The following ZRANB3 variants were observed in gnomAD, a reference collection of about 807,000 sequenced individuals.
ZRANB3 encodes the protein DNA annealing helicase and endonuclease ZRANB3.
In ZRANB3, 125 loss-of-function variants were observed where a neutral mutation model predicts 133.8. That is an observed-to-expected ratio of 0.93 (90% CI 0.81 to 1.08). The LOEUF (loss-of-function observed/expected upper bound fraction) is 1.08. Among genes scored for constraint, ZRANB3 ranks in the 50% least tolerant of loss-of-function variants. The pLI is 0.00. For synonymous variants in ZRANB3, 387 were observed against 432.7 expected (o/e 0.89, Z 1.31); for missense variants, 1,229 against 1,275.5 (o/e 0.96, Z 0.56).
intron 2 of ZRANB3, among the ~76,000 whole-genome samples, chr2:135,469,813 C>T (rs1439128071): frequency 6.7e-6 from 1 of 148,696 alleles, no homozygotes; most frequent in Non-Finnish European, 1.5e-5. Context: ...GAGATCGAGA[C>T]CATCCTGGAT....
At chr2:135,263,669 G>C (rs1291358660) in intron 12 of ZRANB3, among the ~76,000 whole-genome samples, 3 of 151,744 alleles carry the variant, frequency 2.0e-5, no homozygotes, top group African/African-American at 7.3e-5. Flanking sequence ...TTTTTAAAAA[G>C]GAGCCAGTTT....
chr2:135,245,926 CAAAAAAAAAAAAAAAAAA>C (rs1177438717), intron 12 of ZRANB3, among the ~76,000 whole-genome samples: 1 of 19,552 alleles, frequency 5.1e-5, no homozygotes, highest in Admixed American at 9.6e-4. Context: ...AACTCCGTCT[CAAAAAAAAAAAAAAAAAA>C]AAAAGAGACA....
intron 1 of ZRANB3, among the ~76,000 whole-genome samples, chr2:135,506,085 G>A (rs1693172982): frequency 6.6e-6 from 1 of 152,136 alleles, no homozygotes; most frequent in South Asian, 2.1e-4. Context: ...GGTGTTTTCG[G>A]AAAACAGAAA....
chr2:135,213,366 C>T (rs1694180550), intron 17 of ZRANB3, among the ~76,000 whole-genome samples: 1 of 152,212 alleles, frequency 6.6e-6, no homozygotes, highest in Non-Finnish European at 1.5e-5. Flanking sequence ...CTTATACAGA[C>T]TGCCAGTCAA....
intron 2 of ZRANB3, among the ~76,000 whole-genome samples, chr2:135,404,798 C>A (rs189874222): frequency 7.9e-5 from 12 of 152,280 alleles, no homozygotes; most frequent in Non-Finnish European, 1.5e-4. Flanking sequence ...GGCCAATATT[C>A]AACATTCTTA....
chr2:135,372,639 T>C (rs911656598), intron 3 of ZRANB3, among the ~76,000 whole-genome samples: 14 of 151,084 alleles, frequency 9.3e-5, no homozygotes, highest in African/African-American at 3.4e-4. Context: ...ACAAAAAAAT[T>C]TGTTGGGCGT....
intron 8 of ZRANB3, among the ~76,000 whole-genome samples, chr2:135,285,583 A>T (rs1681315292): frequency 6.6e-6 from 1 of 152,250 alleles, no homozygotes; most frequent in African/African-American, 2.4e-5. Flanking sequence ...GAGGAAACAC[A>T]CTTTGTGCAT....
At chr2:135,348,517 G>A (rs1429491964) in intron 5 of ZRANB3, among the ~76,000 whole-genome samples, 1 of 152,056 alleles carries the variant, frequency 6.6e-6, no homozygotes, top group Non-Finnish European at 1.5e-5. Context: ...TACTGTTAAT[G>A]TTCTATTTCT....
At chr2:135,231,685 A>T (rs1695022999) in intron 12 of ZRANB3, among the ~76,000 whole-genome samples, 1 of 151,912 alleles carries the variant, frequency 6.6e-6, no homozygotes, top group African/African-American at 2.4e-5. Flanking sequence ...CTACTCGGGG[A>T]GCTGAGGTGG....
At chr2:135,477,151 ATGTC>A (rs1289405772) in intron 2 of ZRANB3, among the ~76,000 whole-genome samples, 1 of 152,132 alleles carries the variant, frequency 6.6e-6, no homozygotes, top group Non-Finnish European at 1.5e-5. Flanking sequence ...GAAGTATAGT[ATGTC>A]TTTTTCTCTG....
chr2:135,472,159 A>G, intron 2 of ZRANB3, among the ~76,000 whole-genome samples: 1 of 152,356 alleles, frequency 6.6e-6, no homozygotes, highest in Middle Eastern at 3.4e-3. Context: ...TAGTATATGA[A>G]TAATTTCTAT....
intron 8 of ZRANB3, among the ~76,000 whole-genome samples, chr2:135,306,191 T>C (rs778515425): frequency 7.2e-5 from 11 of 152,174 alleles, no homozygotes; most frequent in African/African-American, 2.4e-5. Context: ...CCATCTCTTC[T>C]CCTTCTGGAA....
At chr2:135,344,911 AT>A (rs1211662139) in intron 6 of ZRANB3, among the ~76,000 whole-genome samples, 2 of 152,198 alleles carry the variant, frequency 1.3e-5, no homozygotes, top group Non-Finnish European at 2.9e-5. Context: ...GTAATCATAC[AT>A]GCTTGTTCAC....
intron 12 of ZRANB3, among the ~76,000 whole-genome samples, chr2:135,240,926 T>C (rs562153083): frequency 1.3e-4 from 20 of 152,348 alleles, no homozygotes; most frequent in African/African-American, 4.8e-4. Context: ...ATATCTGTTG[T>C]TGCTGAAAAT....
At chr2:135,512,073 A>C in intron 1 of ZRANB3, 1 of 446,510 alleles carries the variant, frequency 2.2e-6, no homozygotes, top group Non-Finnish European at 4.1e-6. Flanking sequence ...CTGTGTCCGC[A>C]CCAGCAATAC....
intron 8 of ZRANB3, among the ~76,000 whole-genome samples, chr2:135,287,936 G>T (rs1681466559): frequency 6.6e-6 from 1 of 151,892 alleles, no homozygotes; most frequent in Non-Finnish European, 1.5e-5. Context: ...TCTTTCTCTT[G>T]TCTGACTGCT....
chr2:135,349,839 C>G (rs956038769), intron 5 of ZRANB3, 145 bp downstream of exon 5: 22 of 624,606 alleles, frequency 3.5e-5, no homozygotes, highest in Non-Finnish European at 5.3e-5. Context: ...ATAAAACATA[C>G]GTACTATCTA....
intron 15 of ZRANB3, 76 bp from the exon 16 acceptor site, chr2:135,219,254 A>G: frequency 1.1e-6 from 1 of 938,914 alleles, no homozygotes; most frequent in Non-Finnish European, 1.5e-6. Flanking sequence ...GAAAATAATT[A>G]CATTATGACA....
chr2:135,418,705 G>A (rs1688696783), intron 2 of ZRANB3, among the ~76,000 whole-genome samples: 1 of 152,076 alleles, frequency 6.6e-6, no homozygotes, highest in Non-Finnish European at 1.5e-5. Flanking sequence ...ACTCAACACT[G>A]AAGACGGTGG....
Sources: allele counts gnomAD v4.1 joint callset (sites outside exome capture counted in the v4.1 genomes callset), GRCh38; gene constraint gnomAD v4.1.1; transcripts MANE v1.5; gene names NCBI Gene and HGNC (gene_info 2026-07-23, HGNC 2026-07-21).